Variants in FMNL1 observed in about 807,000 individuals in gnomAD.
FMNL1 encodes formin like 1, also known as formin-like protein 1.
FMNL1 carries 43 observed loss-of-function variants against 121.3 expected under a neutral mutation model. The observed-to-expected ratio is 0.35, with a 90% CI of 0.28 to 0.46. FMNL1 has a LOEUF of 0.46. FMNL1 is among the 20% of genes least tolerant of loss of function. FMNL1 has a pLI of 1.00. For synonymous variants in FMNL1, 613 were observed against 613.5 expected, an observed-to-expected ratio of 1.00 and a Z score of 0.01; for missense variants, 1,191 against 1,482.4, an observed-to-expected ratio of 0.80 and a Z score of 3.23.
In FMNL1 at chr17:45,237,016, G is replaced by T. The variant is rs1384247581; in HGVS notation, c.724-265G>T. Among the ~76,000 whole-genome samples, 1 of 152,192 alleles carries T rather than the reference G, an allele frequency of 6.6e-6. No homozygotes were observed. Among genetic ancestry groups the T allele is most frequent in the Non-Finnish European group, 1.5e-5 (1 of 68,038 alleles). ...GCCTGTAATCCCAGCTACATGGGAA[G>T]CTGAGTCAGGAGAATCACTTGAACC... On this transcript the variant is annotated intron_variant, in intron 7 of 26. Coordinates refer to ENST00000331495, the MANE Select transcript of FMNL1 (RefSeq NM_005892.4). This position sits in a 1 kb window ranked among gnomAD's most constrained non-coding sequence, Gnocchi z 4.4.
At position 45,246,615 on chromosome 17, in the gene FMNL1, G is replaced by A. The variant is rs565384768; in HGVS notation, c.*8+11G>A. The stretch of plus-strand genomic sequence containing the variant: ...CCTCTAGCCCCTCAGGTACCCAGAT[G>A]ACCTGGCCTCTGATACCACGCTGCC... On this transcript the variant is annotated intron_variant, in intron 26 of 26. Coordinates refer to ENST00000331495, the MANE Select transcript of FMNL1 (RefSeq NM_005892.4). 6.3e-7 allele frequency: 1 copy of A among 1,578,162 alleles called. No homozygotes were observed. The highest frequency in any genetic ancestry group is 1.2e-5 in the South Asian group (1 of 86,190).
Position 45,242,990 on chromosome 17 carries a change from G to A in FMNL1, c.2011-128G>A, listed in dbSNP as rs2043743765. ...TGCCTCCCATCAGGGCCTGTGGTCA[G>A]GCTGGGTTACTGGTTCTCTGCTGGT... On this transcript the variant is annotated intron_variant, in intron 16 of 26. Coordinates refer to ENST00000331495, the MANE Select transcript of FMNL1 (RefSeq NM_005892.4). 4 of 1,020,382 alleles carry A rather than the reference G, an allele frequency of 3.9e-6. No individual in the cohort carries two copies. The East Asian group carries it at 7.2e-5, about 18-fold the overall frequency. The allele number at this position is 1,020,382 out of a possible 1,614,324, so 63.2% of individuals were successfully genotyped here.
Position 45,222,159 on chromosome 17 carries a change from C to T in FMNL1, c.35C>T (p.Ala12Val), listed in dbSNP as rs1005893430. The change falls in exon 1 of 27, where the codon GCG becomes GTG. Residue 12 changes from alanine (A) to valine (V), a missense_variant. By Grantham distance (64) the Ala-to-Val change is moderately conservative. Coordinates refer to ENST00000331495, the MANE Select transcript of FMNL1 (RefSeq NM_005892.4). ...GNAAGSAEQP[A>V]GPAAPPPKQP... is the part of the protein sequence containing the mutation. ...GCGGCCGGCAGCGCCGAGCAGCCCG[C>T]GGGCCCCGCCGCGCCGCCCCCCAAG... The T allele has an allele frequency of 9.1e-6, 11 of 1,204,636 alleles. No individual in the cohort carries two copies. Among genetic ancestry groups the T allele is most frequent in the Non-Finnish European group, 1.1e-5 (11 of 972,552 alleles). The allele number at this position is 1,204,636 out of a possible 1,614,324, so 74.6% of individuals were successfully genotyped here.
intron 24 of FMNL1, 76 bp downstream of exon 24, chr17:45,246,049 A>G: frequency 6.6e-7 from 1 of 1,516,902 alleles, no homozygotes; most frequent in East Asian, 2.3e-5. Flanking sequence ...TGCCACCCCC[A>G]CACCCTCACT....
chr17:45,245,799 G>A, intron 23 of FMNL1, 66 bp downstream of exon 23: 1 of 1,608,768 alleles, frequency 6.2e-7, no homozygotes, highest in South Asian at 1.1e-5. Flanking sequence ...GGGCAGCGGA[G>A]GGGTGGGGCT....
In FMNL1 at chr17:45,247,093, G is replaced by A; in HGVS notation, c.*235G>A. ...TCCTCCGCTGTGGCCCGCCTCAAAC[G>A]GGCTGGTGCATCCTCCTCTTGGCCA... On this transcript the variant is annotated 3_prime_UTR_variant, in exon 27 of 27. Coordinates refer to ENST00000331495, the MANE Select transcript of FMNL1 (RefSeq NM_005892.4). 3 of 607,108 alleles carry A rather than the reference G, an allele frequency of 4.9e-6. No homozygotes were observed. Among genetic ancestry groups the A allele is most frequent in the Middle Eastern group, 7.8e-4 (2 of 2,568 alleles). The allele number at this position is 607,108 out of a possible 1,614,324, so 37.6% of individuals were successfully genotyped here.
chr17:45,225,546 G>A (rs965227015), intron 1 of FMNL1, among the ~76,000 whole-genome samples: 1 of 152,226 alleles, frequency 6.6e-6, no homozygotes, highest in Non-Finnish European at 1.5e-5. Flanking sequence ...ACCCTGGAAA[G>A]CCACGGATGT....
Position 45,233,624 on chromosome 17 carries a change from G to A in FMNL1, c.402-24G>A. 1 of 1,613,708 alleles carries A rather than the reference G, an allele frequency of 6.2e-7. No individual in the cohort carries two copies. The highest frequency in any genetic ancestry group is 8.5e-7 in the Non-Finnish European group (1 of 1,179,844). ...GGGCAGGACCTCCTTTCTGGCTGGA[G>A]CTCAGGGAGCCCTGTGCCCACAGGT... On this transcript the variant is annotated intron_variant, in intron 4 of 26. Coordinates refer to ENST00000331495, the MANE Select transcript of FMNL1 (RefSeq NM_005892.4). The surrounding 1 kb of genome is among the most constrained non-coding windows in gnomAD (Gnocchi z 4.1).
intron 1 of FMNL1, among the ~76,000 whole-genome samples, chr17:45,230,280 G>A (rs1351926246): frequency 6.6e-6 from 1 of 152,136 alleles, no homozygotes; most frequent in African/African-American, 2.4e-5. Flanking sequence ...AGTGTCTCAG[G>A]TCCCCAGAGA....
chr17:45,240,852 C>A, intron 12 of FMNL1: 1 of 744,792 alleles, frequency 1.3e-6, no homozygotes, highest in Non-Finnish European at 2.1e-6. Flanking sequence ...CCCTCCTCTA[C>A]CCAGGCTCAG....
In FMNL1 at chr17:45,237,674, C is replaced by T. The variant is rs1310670134; in HGVS notation, c.894+35C>T. ...TCCCTCACCCAAACATGCATTTCCC[C>T]CTATGGTGTTGCTTGGAGTCTTGTT... On this transcript the variant is annotated intron_variant, in intron 9 of 26. Coordinates refer to ENST00000331495, the MANE Select transcript of FMNL1 (RefSeq NM_005892.4). This position sits in a 1 kb window ranked among gnomAD's most constrained non-coding sequence, Gnocchi z 4.4. The T allele has an allele frequency of 6.2e-7, 1 of 1,608,492 alleles. No homozygotes were observed. Among genetic ancestry groups the T allele is most frequent in the Non-Finnish European group, 8.5e-7 (1 of 1,175,142 alleles).
At chr17:45,226,928 G>A (rs1265224339) in intron 1 of FMNL1, among the ~76,000 whole-genome samples, 2 of 152,138 alleles carry the variant, frequency 1.3e-5, no homozygotes, top group Admixed American at 6.5e-5. Context: ...TGTAAGCCTG[G>A]AATTGCTTAT....
Position 45,237,735 on chromosome 17 carries a change from G to T in FMNL1, c.894+96G>T. 1 of 1,361,296 alleles carries T rather than the reference G, an allele frequency of 7.3e-7. No homozygotes were observed. Among genetic ancestry groups the T allele is most frequent in the Non-Finnish European group, 1.0e-6 (1 of 966,334 alleles). 84.3% of individuals were successfully genotyped at this position (1,361,296 alleles called of 1,614,324 possible). ...GTGGCCTTTGCTGGAGGCAGCTGGG[G>T]ACATTGGGTGGGCATTTGGGGAACG... On this transcript the variant is annotated intron_variant, in intron 9 of 26. Transcript: ENST00000331495. The surrounding 1 kb of genome is among the most constrained non-coding windows in gnomAD (Gnocchi z 4.4).
chr17:45,228,765 T>G (rs2043379470), intron 1 of FMNL1, among the ~76,000 whole-genome samples: 1 of 152,080 alleles, frequency 6.6e-6, no homozygotes, highest in South Asian at 2.1e-4. Flanking sequence ...GGAGGATTCA[T>G]GTCGGGAAGC....
chr17:45,232,959 C>T (rs1395800000), intron 3 of FMNL1: 1 of 598,966 alleles, frequency 1.7e-6, no homozygotes, highest in Admixed American at 2.1e-5. Context: ...CACTCTGCCT[C>T]TTTGTGTGTG....
At chr17:45,244,573 A>G (rs571533655) in intron 19 of FMNL1, among the ~76,000 whole-genome samples, 1 of 152,174 alleles carries the variant, frequency 6.6e-6, no homozygotes, top group African/African-American at 2.4e-5. Context: ...TGCTGGCAAC[A>G]AGTTGTGGGT....
chr17:45,222,248 G>A lies in FMNL1; in HGVS notation c.124G>A (p.Ala42Thr). Residue 42 changes from alanine (A) to threonine (T), a missense_variant, in exon 1 of 27, where the codon GCC becomes ACC. Physicochemically the swap from Ala to Thr is moderately conservative, Grantham distance 58. Coordinates refer to ENST00000331495, the MANE Select transcript of FMNL1 (RefSeq NM_005892.4). Reference protein sequence around the residue: ...AGELEERFNRALNCMNLPPDK... With the variant: ...AGELEERFNRTLNCMNLPPDK... ...AGAGCTGGAGGAGAGGTTCAACCGC[G>A]CCCTGGTGAGTGCGACCCGGAGGCG... is the stretch of plus-strand genomic sequence containing the variant. The A allele has an allele frequency of 5.0e-6, 6 of 1,200,990 alleles. No individual in the cohort carries two copies. Among genetic ancestry groups the A allele is most frequent in the South Asian group, 3.5e-5 (1 of 28,804 alleles). The allele number at this position is 1,200,990 out of a possible 1,614,324, so 74.4% of individuals were successfully genotyped here.
In FMNL1 at chr17:45,245,050, G is replaced by A. The variant is rs929657813; in HGVS notation, c.2670G>A (p.Lys890=). 3.7e-6 allele frequency: 6 copies of A among 1,614,242 alleles called. No individual in the cohort carries two copies. Among genetic ancestry groups the A allele is most frequent in the Non-Finnish European group, 5.1e-6 (6 of 1,180,042 alleles). Residue 890 remains lysine (K), a synonymous_variant, in exon 21 of 27, where the codon AAG becomes AAA. Transcript: ENST00000331495. ...LHYLVKVIAE[K]YPQLTGFHSD... is the part of the protein sequence containing the mutation. ...ACCTGGTGAAGGTCATTGCTGAGAA[G>A]TACCCGCAACTCACAGGCTTCCACA...
chr17:45,236,571 C>G (rs1695533716), intron 7 of FMNL1: 1 of 212,658 alleles, frequency 4.7e-6, no homozygotes, highest in African/African-American at 2.3e-5. Flanking sequence ...ATTTGGAGGG[C>G]TGATGGGTGA....
Sources: allele counts gnomAD v4.1 joint callset (sites outside exome capture counted in the v4.1 genomes callset), GRCh38; gene constraint gnomAD v4.1.1; non-coding constraint Gnocchi (gnomAD v3.1); transcripts MANE v1.5; gene names NCBI Gene and HGNC (gene_info 2026-07-23, HGNC 2026-07-21).